Variants in ADAM22 observed in about 807,000 individuals in gnomAD.
ADAM22 encodes ADAM metallopeptidase domain 22.
ADAM22 carries 65 observed loss-of-function variants against 144.6 expected under a neutral mutation model. The observed-to-expected ratio is 0.45, with a 90% CI of 0.37 to 0.55. ADAM22 has a LOEUF of 0.55. ADAM22 is among the 20% of genes least tolerant of loss of function. The pLI is 0.00. For synonymous variants in ADAM22, 391 were observed against 412.6 expected, an observed-to-expected ratio of 0.95 and a Z score of 0.63; for missense variants, 974 against 1,184.9, an observed-to-expected ratio of 0.82 and a Z score of 2.61.
At chr7:88,057,065 A>T (rs1808436438) in intron 3 of ADAM22, among the ~76,000 whole-genome samples, 1 of 152,156 alleles carries the variant, frequency 6.6e-6, no homozygotes, top group Non-Finnish European at 1.5e-5. Flanking sequence ...GCTCAAACCA[A>T]TGTTAGATTG....
chr7:88,165,364 C>T (rs1209796028), intron 23 of ADAM22, among the ~76,000 whole-genome samples: 1 of 152,068 alleles, frequency 6.6e-6, no homozygotes, highest in Non-Finnish European at 1.5e-5. Context: ...ACTTTCTTCT[C>T]AGCCCACTGC....
chr7:87,968,721 C>T (rs1397102110), intron 2 of ADAM22, among the ~76,000 whole-genome samples: 1 of 152,106 alleles, frequency 6.6e-6, no homozygotes, highest in Non-Finnish European at 1.5e-5. Flanking sequence ...GACCCTATCT[C>T]TAAGGGGGAA....
chr7:87,965,605 T>G (rs190883433), intron 2 of ADAM22, among the ~76,000 whole-genome samples: 22 of 152,364 alleles, frequency 1.4e-4, no homozygotes, highest in African/African-American at 4.3e-4. Context: ...TTATTTCCTA[T>G]TTTTCTTTCT....
At chr7:88,183,095 A>G (rs1277501057) in intron 29 of ADAM22, among the ~76,000 whole-genome samples, 1 of 152,216 alleles carries the variant, frequency 6.6e-6, no homozygotes, top group Non-Finnish European at 1.5e-5. Context: ...GCTTGTCAAC[A>G]TGGATACTTT....
chr7:88,029,742 A>G (rs762395312), intron 3 of ADAM22, among the ~76,000 whole-genome samples: 2 of 152,022 alleles, frequency 1.3e-5, no homozygotes, highest in African/African-American at 2.4e-5. Flanking sequence ...TTTGCTGGAT[A>G]TACTATTCTG....
chr7:88,198,956 T>G lies in ADAM22; in HGVS notation c.*2465T>G, dbSNP rs1850942514. 6.6e-6 allele frequency: 1 copy of G among 152,238 alleles called. No individual in the cohort carries two copies. The highest frequency in any genetic ancestry group is 2.4e-5 in the African/African-American group (1 of 41,458). 9.4% of individuals were successfully genotyped at this position (152,238 alleles called of 1,614,324 possible). A position where few individuals can be genotyped will look rare whatever the true frequency, so the allele number is the denominator to read the frequency against. ...ATACAGTAACTTTAATGTTCTATTCTTGGAATCTACTCTATCTCCCATGTT... is the reference window on the plus strand; with the variant it reads ...ATACAGTAACTTTAATGTTCTATTCGTGGAATCTACTCTATCTCCCATGTT... On this transcript the variant is annotated 3_prime_UTR_variant, in exon 32 of 32. Transcript: ENST00000413139.
chr7:88,186,606 T>C lies in ADAM22; in HGVS notation c.2664-9T>C. The C allele has an allele frequency of 6.3e-7, 1 of 1,585,458 alleles. No homozygotes were observed. The highest frequency in any genetic ancestry group is 8.7e-7 in the Non-Finnish European group (1 of 1,154,132). On this transcript the variant is annotated splice_polypyrimidine_tract_variant and intron_variant, in intron 29 of 31. Transcript: ENST00000413139. ...CTGCTTTCTTTGTTCCTTCCATTGC[T>C]TTCTGCAGGTATTTAAACCCATGGT...
At chr7:88,072,021 G>C (rs1185015245) in intron 3 of ADAM22, among the ~76,000 whole-genome samples, 2 of 152,136 alleles carry the variant, frequency 1.3e-5, no homozygotes, top group Admixed American at 1.3e-4. Context: ...AATTAACTTA[G>C]GTTCTAACTT....
intron 2 of ADAM22, among the ~76,000 whole-genome samples, chr7:87,976,388 G>A (rs1029737571): frequency 2.6e-5 from 4 of 152,164 alleles, no homozygotes; most frequent in African/African-American, 9.7e-5. Flanking sequence ...AAGAGAAAGA[G>A]ACACCAGGCA....
At chr7:88,112,755 T>C (rs781523451) in intron 5 of ADAM22, among the ~76,000 whole-genome samples, 23 of 152,240 alleles carry the variant, frequency 1.5e-4, no homozygotes, top group Non-Finnish European at 1.5e-4. Flanking sequence ...TCACCCAGGC[T>C]GGAGTACAGT....
chr7:88,191,682 T>G (rs1176758636), intron 30 of ADAM22, among the ~76,000 whole-genome samples: 1 of 152,198 alleles, frequency 6.6e-6, no homozygotes, highest in Non-Finnish European at 1.5e-5. Context: ...TTTAGAGAAT[T>G]TGAAGTACTA....
intron 3 of ADAM22, among the ~76,000 whole-genome samples, chr7:87,986,058 C>T (rs950411696): frequency 6.6e-6 from 1 of 152,080 alleles, no homozygotes; most frequent in Non-Finnish European, 1.5e-5. Context: ...TGGCTACGAT[C>T]TTATGTTTTT....
intron 12 of ADAM22, among the ~76,000 whole-genome samples, chr7:88,133,968 A>G (rs1317498694): frequency 1.3e-5 from 2 of 152,172 alleles, no homozygotes; most frequent in Non-Finnish European, 2.9e-5. Flanking sequence ...TTCTAAAAAA[A>G]TTTACAGATT....
At chr7:88,124,382 TA>T (rs1217301484) in intron 7 of ADAM22, among the ~76,000 whole-genome samples, 1 of 151,982 alleles carries the variant, frequency 6.6e-6, no homozygotes, top group African/African-American at 2.4e-5. Context: ...TTCTCTCAGA[TA>T]CTTATTGTCC....
chr7:88,073,826 C>G (rs375957351), intron 3 of ADAM22, among the ~76,000 whole-genome samples: 1 of 152,222 alleles, frequency 6.6e-6, no homozygotes, highest in Non-Finnish European at 1.5e-5. Flanking sequence ...AAGCTAATAA[C>G]ACCTGCTCAA....
intron 9 of ADAM22, 48 bp from the exon 10 acceptor site, chr7:88,130,340 T>C: frequency 2.0e-6 from 3 of 1,472,784 alleles, no homozygotes; most frequent in Non-Finnish European, 2.8e-6. Flanking sequence ...GAGATGATTG[T>C]TTTCTGATCA....
chr7:87,955,860 G>T (rs1846571622), intron 2 of ADAM22, among the ~76,000 whole-genome samples: 1 of 152,180 alleles, frequency 6.6e-6, no homozygotes, highest in African/African-American at 2.4e-5. Flanking sequence ...CCTCGCTGCT[G>T]CCTTGCAGTT....
At chr7:87,978,729 G>A (rs752784702) in intron 3 of ADAM22, among the ~76,000 whole-genome samples, 32 of 152,092 alleles carry the variant, frequency 2.1e-4, no homozygotes, top group Non-Finnish European at 2.6e-4. Flanking sequence ...AATACTTTGG[G>A]TATTGAAGTA....
In ADAM22 at chr7:87,934,373, G is replaced by A. The variant is rs1046228041; in HGVS notation, c.-93G>A. ...CCGGGGCTGGGTGGAGGTGGCCGCG[G>A]GGACCCCGGGGGCGCGGAGCGAGGG... On this transcript the variant is annotated 5_prime_UTR_variant, in exon 1 of 32. Transcript: ENST00000413139. The A allele has an allele frequency of 3.8e-6, 5 of 1,303,436 alleles. No individual in the cohort carries two copies. The highest frequency in any genetic ancestry group is 5.2e-6 in the Non-Finnish European group (5 of 956,166). The allele number at this position is 1,303,436 out of a possible 1,614,324, so 80.7% of individuals were successfully genotyped here. A position where few individuals can be genotyped will look rare whatever the true frequency, so the allele number is the denominator to read the frequency against.
Sources: gnomAD v4.1 joint callset for allele counts (sites outside exome capture counted in the v4.1 genomes callset) on GRCh38, gnomAD v4.1.1 for gene constraint, MANE v1.5 for transcripts, NCBI Gene and HGNC (gene_info 2026-07-23, HGNC 2026-07-21) for gene names.